Variants in MAPK13 observed in about 807,000 individuals in gnomAD.
The protein encoded by MAPK13 is mitogen-activated protein kinase 13.
Under a neutral mutation model 53.5 loss-of-function variants are expected in MAPK13, and 39 were observed. The ratio of observed to expected loss-of-function variants is 0.73; its 90% CI spans 0.56 to 0.95. The LOEUF is 0.95. Ranked by LOEUF, MAPK13 falls within the 40% of genes least tolerant of loss-of-function variation. MAPK13 has a pLI of 0.00. For missense variants in MAPK13, 460 were observed against 471.8 expected (o/e 0.98, Z 0.23); for synonymous variants, 179 against 190.9 (o/e 0.94, Z 0.51).
At chr6:36,132,744 G>A (rs1236527295) in intron 3 of MAPK13, 65 bp downstream of exon 3, 25 of 1,558,502 alleles carry the variant, frequency 1.6e-5, no homozygotes, top group South Asian at 2.2e-5. Context: ...GGAGCAAGGT[G>A]GGGGAGGGTC....
At chr6:36,138,220 C>T in intron 8 of MAPK13, 145 bp from the exon 9 acceptor site, 1 of 633,144 alleles carries the variant, frequency 1.6e-6, no homozygotes, top group Non-Finnish European at 2.9e-6. Context: ...AATAAGCCTC[C>T]TCCTGAGAGC....
Position 36,130,748 on chromosome 6 carries a change from T to C in MAPK13, c.119+47T>C. 1.1e-6 allele frequency: 1 copy of C among 910,124 alleles called. No individual in the cohort carries two copies. Among genetic ancestry groups the C allele is most frequent in the Non-Finnish European group, 1.6e-6 (1 of 640,230 alleles). The allele number at this position is 910,124 out of a possible 1,614,324, so 56.4% of individuals were successfully genotyped here. ...GGGGCGGGGGGCGGGCGCCAGGCTC[T>C]CCCCTTTCCGCCCAGCCCGCCCTGG... is the stretch of plus-strand genomic sequence containing the variant. On this transcript the variant is annotated intron_variant, in intron 1 of 11. Transcript: ENST00000211287. This position sits in a 1 kb window ranked among gnomAD's most constrained non-coding sequence, Gnocchi z 4.5.
chr6:36,137,721 G>A (rs995003588), intron 8 of MAPK13, among the ~76,000 whole-genome samples: 1 of 151,408 alleles, frequency 6.6e-6, no homozygotes, highest in Non-Finnish European at 1.5e-5. Context: ...AGCACTTTGG[G>A]AGGCCATGGC....
At chr6:36,136,453 G>A in intron 5 of MAPK13, 31 bp from the exon 6 acceptor site, 1 of 1,557,996 alleles carries the variant, frequency 6.4e-7, no homozygotes, top group East Asian at 2.2e-5. Context: ...CTCTGCCTCA[G>A]CCTAGCATGC....
At chr6:36,138,311 G>A (rs1000203629) in intron 8 of MAPK13, 54 bp from the exon 9 acceptor site, 5 of 1,383,902 alleles carry the variant, frequency 3.6e-6, no homozygotes, top group African/African-American at 1.4e-5. Context: ...GTCGCAGGAA[G>A]GGCAGTCTCA....
In MAPK13 at chr6:36,141,581, A is replaced by T. The variant is rs1021068785; in HGVS notation, c.*2208A>T. The T allele has an allele frequency of 1.3e-5, 2 of 152,342 alleles. No individual in the cohort carries two copies. Among genetic ancestry groups the T allele is most frequent in the African/African-American group, 4.8e-5 (2 of 41,448 alleles). The allele number at this position is 152,342 out of a possible 1,614,324, so 9.4% of individuals were successfully genotyped here. A position where few individuals can be genotyped will look rare whatever the true frequency, so the allele number is the denominator to read the frequency against. On this transcript the variant is annotated 3_prime_UTR_variant, in exon 12 of 12. Coordinates refer to ENST00000211287, the MANE Select transcript of MAPK13 (RefSeq NM_002754.5). ...CCCAAACTACTCGGGAGGCTGAGGCAGAATTGCTTGAACCTGGGAGGTGGA... is the reference window on the plus strand; with the variant it reads ...CCCAAACTACTCGGGAGGCTGAGGCTGAATTGCTTGAACCTGGGAGGTGGA...
rs1473129378 is a variant in MAPK13, at chr6:36,138,835, C to T, written c.842-44C>T. The T allele has an allele frequency of 2.5e-6, 4 of 1,612,862 alleles. No individual in the cohort carries two copies. The African/African-American group carries it at 4.0e-5, about 16-fold the overall frequency. The stretch of plus-strand genomic sequence containing the variant: ...CTCTCAGCGTATCCCAGAGGGCGGG[C>T]TCTCCCAGCCCCTGGTGTGAGGCTC... On this transcript the variant is annotated intron_variant, in intron 10 of 11. Coordinates refer to ENST00000211287, the MANE Select transcript of MAPK13 (RefSeq NM_002754.5).
At chr6:36,134,118 C>A (rs1344814680) in intron 3 of MAPK13, among the ~76,000 whole-genome samples, 1 of 152,088 alleles carries the variant, frequency 6.6e-6, no homozygotes, top group Non-Finnish European at 1.5e-5. Context: ...GTTGAAGAAG[C>A]AAAGTCAAGG....
At chr6:36,134,728 T>C (rs1766381766) in intron 3 of MAPK13, among the ~76,000 whole-genome samples, 1 of 149,384 alleles carries the variant, frequency 6.7e-6, no homozygotes, top group Non-Finnish European at 1.5e-5. Context: ...AAAGGTGGGG[T>C]CCAGGCCGGG....
At position 36,141,833 on chromosome 6, in the gene MAPK13, G is replaced by C. The variant is rs1276198278; in HGVS notation, c.*2460G>C. 1 of 152,298 alleles carries C rather than the reference G, an allele frequency of 6.6e-6. No homozygotes were observed. The highest frequency in any genetic ancestry group is 1.5e-5 in the Non-Finnish European group (1 of 68,148). The allele number at this position is 152,298 out of a possible 1,614,324, so 9.4% of individuals were successfully genotyped here. A position where few individuals can be genotyped will look rare whatever the true frequency, so the allele number is the denominator to read the frequency against. ...GCCTTCCCTCTTCACGCCAGTCTGA[G>C]ACCCTTACTGCTGACTGTGTCCATG... On this transcript the variant is annotated 3_prime_UTR_variant, in exon 12 of 12. Transcript: ENST00000211287.
intron 2 of MAPK13, 91 bp downstream of exon 2, chr6:36,131,491 G>A (rs369831690): frequency 2.9e-5 from 38 of 1,302,018 alleles, no homozygotes; most frequent in African/African-American, 2.6e-4. Flanking sequence ...GGAGAGCTCG[G>A]GACAGTCTCC....
At position 36,142,858 on chromosome 6, in the gene MAPK13, A is replaced by G. The variant is rs1269942920; in HGVS notation, c.*3485A>G. 1 of 148,958 alleles carries G rather than the reference A, an allele frequency of 6.7e-6. No homozygotes were observed. The highest frequency in any genetic ancestry group is 2.4e-5 in the African/African-American group (1 of 40,900). 9.2% of individuals were successfully genotyped at this position (148,958 alleles called of 1,614,324 possible). ...TCTTCAAAAGGCGGTGGAGGTGCTC[A>G]GCAGTGCAAGGTGGGGGGTGGAGGG... On this transcript the variant is annotated 3_prime_UTR_variant, in exon 12 of 12. Transcript: ENST00000211287. This position sits in a 1 kb window ranked among gnomAD's most constrained non-coding sequence, Gnocchi z 4.4.
chr6:36,138,688 T>C lies in MAPK13; in HGVS notation c.763-14T>C. On this transcript the variant is annotated splice_polypyrimidine_tract_variant and intron_variant, in intron 9 of 11. Transcript: ENST00000211287. ...CCAGAGCCCTAAGGGGTTTGATGCT[T>C]TTCTGTCTTCCAGGCCAAATCCTAC... is the stretch of plus-strand genomic sequence containing the variant. The C allele has an allele frequency of 6.2e-7, 1 of 1,613,714 alleles. No individual in the cohort carries two copies.
Position 36,135,807 on chromosome 6 carries a change from G to A in MAPK13, c.363G>A (p.Glu121=). 6.2e-7 allele frequency: 1 copy of A among 1,614,144 alleles called. No homozygotes were observed. Among genetic ancestry groups the A allele is most frequent in the Non-Finnish European group, 8.5e-7 (1 of 1,179,988 alleles). Residue 121 remains glutamate (E), a synonymous_variant, in exon 4 of 12, where the codon GAG becomes GAA. Transcript: ENST00000211287. ...ATCTGCAGAAGATCATGGGGATGGA[G>A]TTCAGTGAGGAGAAGATCCAGTACC... ...QTDLQKIMGM[E]FSEEKIQYLV...
chr6:36,137,432 G>A (rs933731383), intron 8 of MAPK13, among the ~76,000 whole-genome samples: 75 of 151,844 alleles, frequency 4.9e-4, no homozygotes, highest in African/African-American at 1.6e-3. Flanking sequence ...GGAGAATGGC[G>A]TGAACCCAGG....
At chr6:36,134,287 T>A (rs969412626) in intron 3 of MAPK13, among the ~76,000 whole-genome samples, 36 of 151,624 alleles carry the variant, frequency 2.4e-4, no homozygotes, top group Non-Finnish European at 2.1e-4. Context: ...AAATCCAGAG[T>A]CTCCTGGAGA....
Position 36,139,833 on chromosome 6 carries a change from C to G in MAPK13, c.*460C>G, listed in dbSNP as rs906375472. 6.2e-6 allele frequency: 1 copy of G among 160,698 alleles called. No individual in the cohort carries two copies. Among genetic ancestry groups the G allele is most frequent in the Non-Finnish European group, 1.4e-5 (1 of 73,170 alleles). The allele number at this position is 160,698 out of a possible 1,614,324, so 10.0% of individuals were successfully genotyped here. A position where few individuals can be genotyped will look rare whatever the true frequency, so the allele number is the denominator to read the frequency against. ...CCCTTTGAAGGCTCTGGGGAAGAAT[C>G]CTTCCTTGGCTCTTTTTAGCTTGTG... On this transcript the variant is annotated 3_prime_UTR_variant, in exon 12 of 12. Transcript: ENST00000211287.
rs1214128384 is a variant in MAPK13 at position 36,139,647 on chromosome 6, G to A, written c.*274G>A. Reference sequence around the variant, plus strand: ...CCCGCCAGAGTGGGGCTGAGTGGGCGCTGAGCCAGGCCGGGGGCCTATGGC... The same window carrying A: ...CCCGCCAGAGTGGGGCTGAGTGGGCACTGAGCCAGGCCGGGGGCCTATGGC... On this transcript the variant is annotated 3_prime_UTR_variant, in exon 12 of 12. Coordinates refer to ENST00000211287, the MANE Select transcript of MAPK13 (RefSeq NM_002754.5). 5 of 461,124 alleles carry A rather than the reference G, an allele frequency of 1.1e-5. No individual in the cohort carries two copies. The highest frequency in any genetic ancestry group is 1.6e-5 in the Non-Finnish European group (4 of 254,154). 28.6% of individuals were successfully genotyped at this position (461,124 alleles called of 1,614,324 possible). A position where few individuals can be genotyped will look rare whatever the true frequency, so the allele number is the denominator to read the frequency against.
chr6:36,132,490 T>C, intron 2 of MAPK13, 131 bp from the exon 3 acceptor site: 1 of 773,142 alleles, frequency 1.3e-6, no homozygotes. Context: ...CCAAGAAGGT[T>C]GGAGACATGC....
Sources: gnomAD v4.1 joint callset for allele counts (sites outside exome capture counted in the v4.1 genomes callset) on GRCh38, gnomAD v4.1.1 for gene constraint, Gnocchi (gnomAD v3.1) non-coding constraint, MANE v1.5 for transcripts, NCBI Gene and HGNC (gene_info 2026-07-23, HGNC 2026-07-21) for gene names.